HEMK2: variants seen among roughly 807,000 people sequenced by gnomAD.
HEMK2 encodes HemK methyltransferase 2, ETF1 glutamine and histone H4 lysine.
the HEMK2 span, among the ~76,000 whole-genome samples, chr21:28,856,739 G>A: frequency 7.2e-5 from 11 of 152,270 alleles, no homozygotes; most frequent in South Asian, 2.1e-4. Flanking sequence ...GAGTGATTGT[G>A]CAACCCTGCC....
the HEMK2 span, among the ~76,000 whole-genome samples, chr21:28,783,369 G>C: frequency 6.6e-6 from 1 of 152,116 alleles, no homozygotes; most frequent in Non-Finnish European, 1.5e-5. Context: ...AATTTTCGTA[G>C]AGACGGGGTT....
chr21:28,722,110 C>T, the HEMK2 span, among the ~76,000 whole-genome samples: 1 of 150,710 alleles, frequency 6.6e-6, no homozygotes. Context: ...AATTGAGCCA[C>T]CATGAATGTG....
chr21:28,772,437 C>A, the HEMK2 span, among the ~76,000 whole-genome samples: 2 of 152,144 alleles, frequency 1.3e-5, no homozygotes, highest in East Asian at 3.9e-4. Context: ...TGTCTTAATG[C>A]CGTAAGATTT....
chr21:28,818,246 C>A, the HEMK2 span, among the ~76,000 whole-genome samples: 4 of 152,094 alleles, frequency 2.6e-5, no homozygotes, highest in African/African-American at 9.7e-5. Flanking sequence ...ATGCTTCTTA[C>A]CCTCAAACAT....
the HEMK2 span, among the ~76,000 whole-genome samples, chr21:28,644,345 T>C: frequency 6.6e-6 from 1 of 152,174 alleles, no homozygotes; most frequent in Non-Finnish European, 1.5e-5. Flanking sequence ...CGGTCACCTC[T>C]ACCTGGTCTC....
chr21:28,881,566 A>G, the HEMK2 span, among the ~76,000 whole-genome samples: 1 of 152,108 alleles, frequency 6.6e-6, no homozygotes, highest in Admixed American at 6.6e-5. Flanking sequence ...TTCAGAGATA[A>G]GAAAAAGATG....
At chr21:28,799,213 C>T in the HEMK2 span, among the ~76,000 whole-genome samples, 50 of 152,304 alleles carry the variant, frequency 3.3e-4, no homozygotes, top group African/African-American at 1.0e-3. Context: ...CACAGTTCCA[C>T]GTGGCTGGGG....
chr21:28,856,922 TC>T, the HEMK2 span, among the ~76,000 whole-genome samples: 2 of 152,162 alleles, frequency 1.3e-5, no homozygotes, highest in African/African-American at 4.8e-5. Flanking sequence ...CCCCGGGAAT[TC>T]CAGTAAGGCA....
the HEMK2 span, among the ~76,000 whole-genome samples, chr21:28,751,149 T>C: frequency 1.3e-5 from 2 of 148,164 alleles, no homozygotes; most frequent in African/African-American, 5.1e-5. Flanking sequence ...GAGAATGGTG[T>C]GAACCCGGGA....
the HEMK2 span, among the ~76,000 whole-genome samples, chr21:28,692,567 C>A: frequency 1.3e-5 from 2 of 151,708 alleles, no homozygotes; most frequent in Non-Finnish European, 1.5e-5. Context: ...AGGAAATAAA[C>A]CAAAATGATT....
the HEMK2 span, among the ~76,000 whole-genome samples, chr21:28,880,927 T>TAAA: frequency 7.1e-5 from 4 of 56,622 alleles, no homozygotes; most frequent in African/African-American, 2.0e-4. Context: ...AATCATTTAT[T>TAAA]TAAAAAAAAA....
chr21:28,768,416 AG>A, the HEMK2 span, among the ~76,000 whole-genome samples: 1 of 151,062 alleles, frequency 6.6e-6, no homozygotes, highest in Non-Finnish European at 1.5e-5. Flanking sequence ...GATTGGCCAA[AG>A]AGATAAAGGA....
At chr21:28,821,811 A>G in the HEMK2 span, among the ~76,000 whole-genome samples, 3 of 152,238 alleles carry the variant, frequency 2.0e-5, no homozygotes, top group Non-Finnish European at 2.9e-5. Flanking sequence ...AATCAAATAT[A>G]TTCAAATTAA....
chr21:28,617,885 C>A, the HEMK2 span, among the ~76,000 whole-genome samples: 1 of 151,982 alleles, frequency 6.6e-6, no homozygotes, highest in East Asian at 1.9e-4. Flanking sequence ...ACTTCCTAGG[C>A]TCAGGTGGCC....
At chr21:28,776,545 G>A in the HEMK2 span, among the ~76,000 whole-genome samples, 1 of 152,170 alleles carries the variant, frequency 6.6e-6, no homozygotes, top group East Asian at 1.9e-4. Context: ...TATATATGAA[G>A]GGGAGTTTAT....
chr21:28,677,299 G>A, the HEMK2 span, among the ~76,000 whole-genome samples: 2 of 152,082 alleles, frequency 1.3e-5, no homozygotes, highest in African/African-American at 2.4e-5. Flanking sequence ...CTTGCTCCTT[G>A]TTAGCACAGC....
the HEMK2 span, chr21:28,873,285 C>T: frequency 6.6e-6 from 1 of 152,146 alleles, no homozygotes; most frequent in South Asian, 2.1e-4. Flanking sequence ...AATATTTAAA[C>T]ACTATGCTAT....
chr21:28,885,140 C>A, the HEMK2 span: 1 of 1,457,866 alleles, frequency 6.9e-7, no homozygotes, highest in Non-Finnish European at 9.2e-7. Flanking sequence ...AGTCACCGTT[C>A]CGGCCCTCCT....
chr21:28,758,589 C>G, the HEMK2 span, among the ~76,000 whole-genome samples: 1 of 151,994 alleles, frequency 6.6e-6, no homozygotes, highest in Non-Finnish European at 1.5e-5. Context: ...GGAAGGGCAA[C>G]GAGCAGAAGA....
Sources: gnomAD v4.1 joint callset for allele counts (sites outside exome capture counted in the v4.1 genomes callset) on GRCh38, gnomAD v4.1.1 for gene constraint, MANE v1.5 for transcripts, NCBI Gene and HGNC (gene_info 2026-07-23, HGNC 2026-07-21) for gene names.